RNF152: variants seen among roughly 807,000 people sequenced by gnomAD.
RNF152 encodes the protein ring finger protein 152, also known as E3 ubiquitin-protein ligase RNF152.
Under a neutral mutation model 12.7 loss-of-function variants are expected in RNF152, and 11 were observed. The observed-to-expected ratio is 0.86, with a 90% confidence interval of 0.54 to 1.43. The LOEUF (loss-of-function observed/expected upper bound fraction) is 1.43. Ranked by LOEUF, RNF152 falls within the 40% of genes most tolerant of loss-of-function variation. RNF152 has a pLI of 0.00. For missense variants in RNF152, 255 were observed against 274.8 expected, an observed-to-expected ratio of 0.93 and a Z score of 0.51; for synonymous variants, 113 against 120.3, an observed-to-expected ratio of 0.94 and a Z score of 0.40.
intron 1 of RNF152, among the ~76,000 whole-genome samples, chr18:61,831,243 A>G (rs1283586628): frequency 6.6e-6 from 1 of 152,210 alleles, no homozygotes; most frequent in African/African-American, 2.4e-5. Context: ...TCGCTAGTCC[A>G]CAGCCACTTC....
intron 1 of RNF152, among the ~76,000 whole-genome samples, chr18:61,864,651 C>A (rs1228296549): frequency 6.6e-6 from 1 of 152,194 alleles, no homozygotes; most frequent in Non-Finnish European, 1.5e-5. Flanking sequence ...AAGTCACAAC[C>A]CTCTAATCAC....
chr18:61,824,020 A>G (rs907232775), intron 1 of RNF152, among the ~76,000 whole-genome samples: 3 of 152,246 alleles, frequency 2.0e-5, no homozygotes, highest in African/African-American at 7.2e-5. Context: ...GTTTATGTCA[A>G]ATTAACAAAC....
chr18:61,872,393 A>G (rs1288005540), intron 1 of RNF152, among the ~76,000 whole-genome samples: 1 of 152,242 alleles, frequency 6.6e-6, no homozygotes, highest in Non-Finnish European at 1.5e-5. Flanking sequence ...TGGAAACTTC[A>G]TAGAGCAACA....
intron 1 of RNF152, among the ~76,000 whole-genome samples, chr18:61,844,701 T>C (rs1910670286): frequency 1.3e-5 from 2 of 152,196 alleles, no homozygotes; most frequent in South Asian, 4.1e-4. Flanking sequence ...AGAGAATAAG[T>C]GTAACCATAG....
rs2144607088 is a variant in RNF152 at position 61,814,583 on chromosome 18, T to C, written c.*1269A>G. ...TTATGAGGAACTGGTCCACTTATAT[T>C]GGGAATTTGAGCTGTTAGTTTACCT... On this transcript the variant is annotated 3_prime_UTR_variant, in exon 2 of 2. Transcript: ENST00000312828. 6.6e-6 allele frequency: 1 copy of C among 152,350 alleles called. No homozygotes were observed. Among genetic ancestry groups the C allele is most frequent in the African/African-American group, 2.4e-5 (1 of 41,586 alleles). 9.4% of individuals were successfully genotyped at this position (152,350 alleles called of 1,614,324 possible).
intron 1 of RNF152, among the ~76,000 whole-genome samples, chr18:61,874,157 A>G (rs1912114438): frequency 6.6e-6 from 1 of 152,228 alleles, no homozygotes; most frequent in South Asian, 2.1e-4. Flanking sequence ...CTGAAAAGCT[A>G]CCCTGACATC....
intron 1 of RNF152, among the ~76,000 whole-genome samples, chr18:61,844,136 A>G (rs186659659): frequency 7.0e-6 from 1 of 142,158 alleles, no homozygotes; most frequent in African/African-American, 2.6e-5. Flanking sequence ...GAAAGAAAGA[A>G]AGAAATTAAG....
chr18:61,844,232 G>A (rs968368071), intron 1 of RNF152, among the ~76,000 whole-genome samples: 7 of 139,006 alleles, frequency 5.0e-5, no homozygotes, highest in Non-Finnish European at 4.4e-5. Context: ...GGAGGGAGAC[G>A]GGAGGGGAGG....
chr18:61,822,221 T>A (rs989556920), intron 1 of RNF152, among the ~76,000 whole-genome samples: 4 of 152,032 alleles, frequency 2.6e-5, no homozygotes, highest in Non-Finnish European at 4.4e-5. Context: ...GGGGAGGGCA[T>A]TCTTAAAAAA....
chr18:61,862,499 C>T (rs1350306048), intron 1 of RNF152, among the ~76,000 whole-genome samples: 1 of 152,112 alleles, frequency 6.6e-6, no homozygotes, highest in Non-Finnish European at 1.5e-5. Context: ...TGAGGGGATC[C>T]CACCCTGTGC....
At chr18:61,872,574 ATATAT>A (rs1455282539) in intron 1 of RNF152, among the ~76,000 whole-genome samples, 4 of 152,166 alleles carry the variant, frequency 2.6e-5, no homozygotes, top group Non-Finnish European at 4.4e-5. Context: ...AATTTTCATG[ATATAT>A]TATAAACCCA....
upstream of RNF152, among the ~76,000 whole-genome samples, chr18:61,893,982 C>T (rs1054352064): frequency 1.3e-5 from 2 of 152,010 alleles, no homozygotes; most frequent in African/African-American, 2.4e-5. Flanking sequence ...CCCGCCACCC[C>T]CTCCGCGGTC....
rs149875511 is a variant in RNF152 at position 61,810,980 on chromosome 18, C to A, written c.*4872G>T. On this transcript the variant is annotated 3_prime_UTR_variant, in exon 2 of 2. Transcript: ENST00000312828. ...AAATTGAAGTCTTTTGTGTATCACT[C>A]CTTTTGCACCGATAACTTTTGAACT... 1 of 152,002 alleles carries A rather than the reference C, an allele frequency of 6.6e-6. No individual in the cohort carries two copies. Among genetic ancestry groups the A allele is most frequent in the African/African-American group, 2.4e-5 (1 of 41,472 alleles). The allele number at this position is 152,002 out of a possible 1,614,324, so 9.4% of individuals were successfully genotyped here.
rs1912815528 is a variant in RNF152, at chr18:61,808,759, A to G, written c.*7093T>C. ...TTTCCCAACAGTACTGACATACTCA[A>G]GTCAGGATAGATCCACAGGAACAGG... is the stretch of plus-strand genomic sequence containing the variant. On this transcript the variant is annotated 3_prime_UTR_variant, in exon 2 of 2. Transcript: ENST00000312828. 6.6e-6 allele frequency: 1 copy of G among 152,258 alleles called. No homozygotes were observed. The allele number at this position is 152,258 out of a possible 1,614,324, so 9.4% of individuals were successfully genotyped here.
rs1044581564 is a variant in RNF152 at position 61,820,532 on chromosome 18, G to A, written c.-135-3934C>T. On this transcript the variant is annotated intron_variant, in intron 1 of 1. Coordinates refer to ENST00000312828, the MANE Select transcript of RNF152 (RefSeq NM_173557.3). ...ATTGACTCTACTGAGATGTAGCTGT[G>A]CCTGCGGGGAAGGATTGCTCACGTT... 2.5e-4 allele frequency among the ~76,000 whole-genome samples: 38 copies of A among 152,022 alleles called. 1 individual carries two copies. In the Middle Eastern group the frequency reaches 0.02, roughly 82 times the overall value.
chr18:61,875,443 T>G (rs1462422665), intron 1 of RNF152, among the ~76,000 whole-genome samples: 1 of 152,076 alleles, frequency 6.6e-6, no homozygotes, highest in African/African-American at 2.4e-5. Flanking sequence ...AGAAAACAAA[T>G]TTTTTTTCTT....
chr18:61,862,870 T>G (rs1003890917), intron 1 of RNF152, among the ~76,000 whole-genome samples: 7 of 152,038 alleles, frequency 4.6e-5, no homozygotes, highest in Non-Finnish European at 1.0e-4. Context: ...GTAGGGGCAG[T>G]CTTGGGGACT....
intron 1 of RNF152, among the ~76,000 whole-genome samples, chr18:61,870,471 C>T (rs528929062): frequency 1.3e-5 from 2 of 152,288 alleles, no homozygotes; most frequent in South Asian, 4.1e-4. Context: ...GTCACCTTAC[C>T]TACTAGCTTG....
intron 1 of RNF152, among the ~76,000 whole-genome samples, chr18:61,881,956 G>C (rs534957874): frequency 8.5e-5 from 13 of 152,160 alleles, no homozygotes; most frequent in Non-Finnish European, 1.8e-4. Context: ...AAGATGTAGG[G>C]TGTATGAACA....
Sources: gnomAD v4.1 joint callset for allele counts (sites outside exome capture counted in the v4.1 genomes callset) on GRCh38, gnomAD v4.1.1 for gene constraint, MANE v1.5 for transcripts, NCBI Gene and HGNC (gene_info 2026-07-23, HGNC 2026-07-21) for gene names.